GLI3: variants seen among roughly 807,000 people sequenced by gnomAD.
GLI3 encodes transcription activator GLI3.
A neutral mutation model predicts 100.8 loss-of-function variants in GLI3; 20 were observed. The ratio of observed to expected loss-of-function variants is 0.20; its 90% confidence interval spans 0.14 to 0.29. The LOEUF is 0.29. Ranked by LOEUF, GLI3 falls within the 10% of genes least tolerant of loss-of-function variation. The pLI is 1.00. For missense variants in GLI3, 2,040 were observed against 2,128.5 expected (o/e 0.96, Z 0.82); for synonymous variants, 938 against 860.5 (o/e 1.09, Z -1.58).
At chr7:42,024,555 C>T (rs1193116323) in intron 9 of GLI3, among the ~76,000 whole-genome samples, 1 of 152,178 alleles carries the variant, frequency 6.6e-6, no homozygotes, top group Non-Finnish European at 1.5e-5. Flanking sequence ...CATCTGGACT[C>T]TTGTCCAATC....
chr7:42,220,777 C>T (rs1322547483), intron 2 of GLI3, among the ~76,000 whole-genome samples: 1 of 152,226 alleles, frequency 6.6e-6, no homozygotes, highest in Non-Finnish European at 1.5e-5. Flanking sequence ...ATCTGCCTGT[C>T]GGCTTGCAAT....
intron 3 of GLI3, among the ~76,000 whole-genome samples, chr7:42,136,869 C>G (rs893499293): frequency 6.6e-6 from 1 of 152,214 alleles, no homozygotes; most frequent in Non-Finnish European, 1.5e-5. Context: ...CAAGCACTCC[C>G]CAGCTGGGCT....
intron 2 of GLI3, among the ~76,000 whole-genome samples, chr7:42,164,445 A>C (rs1787197165): frequency 1.3e-5 from 2 of 152,162 alleles, no homozygotes; most frequent in African/African-American, 4.8e-5. Flanking sequence ...CTTGAGCCTA[A>C]GAGGCAGAGG....
At chr7:42,160,005 A>T (rs775969058) in intron 2 of GLI3, among the ~76,000 whole-genome samples, 44 of 152,220 alleles carry the variant, frequency 2.9e-4, no homozygotes, top group Admixed American at 9.8e-4. Flanking sequence ...TAGCTCCCAG[A>T]CTTGCTCCTA....
chr7:41,993,758 C>T (rs548708980), intron 10 of GLI3, among the ~76,000 whole-genome samples: 156 of 152,312 alleles, frequency 1.0e-3, no homozygotes, highest in Non-Finnish European at 1.9e-3. Context: ...ATACTCCCAA[C>T]CGGCTGCCTG....
exon 1 of GLI3, among the ~76,000 whole-genome samples, chr7:42,264,004 C>G (rs1218787059): frequency 6.6e-6 from 1 of 152,200 alleles, no homozygotes; most frequent in African/African-American, 2.4e-5. Flanking sequence ...TCTGGCAGCT[C>G]AGCAATGTGA....
intron 2 of GLI3, among the ~76,000 whole-genome samples, chr7:42,181,274 G>A (rs966846058): frequency 1.3e-5 from 2 of 152,166 alleles, no homozygotes; most frequent in African/African-American, 2.4e-5. Context: ...ATCACAGACA[G>A]CAATGGGTAA....
chr7:42,092,695 A>C (rs948501552), intron 3 of GLI3, among the ~76,000 whole-genome samples: 5 of 152,232 alleles, frequency 3.3e-5, no homozygotes, highest in Non-Finnish European at 7.3e-5. Flanking sequence ...GGAACGCACC[A>C]GAGTCAGCTC....
intron 2 of GLI3, among the ~76,000 whole-genome samples, chr7:42,181,878 C>T (rs540288958): frequency 2.6e-5 from 4 of 152,218 alleles, no homozygotes; most frequent in South Asian, 2.1e-4. Flanking sequence ...ATCCATGTAC[C>T]GAACTTTCCA....
In GLI3 at chr7:42,083,084, A is replaced by G. The variant is rs370615950; in HGVS notation, c.368-6227T>C. On this transcript the variant is annotated intron_variant, in intron 3 of 14. Coordinates refer to ENST00000395925, the MANE Select transcript of GLI3 (RefSeq NM_000168.6). ...TCTCTTCATTATTTTAAAATGTACAATTACATTGCTTTTGACTATAGTCAC... is the reference window on the plus strand; with the variant it reads ...TCTCTTCATTATTTTAAAATGTACAGTTACATTGCTTTTGACTATAGTCAC... 1.8e-4 allele frequency among the ~76,000 whole-genome samples: 28 copies of G among 152,330 alleles called. No homozygotes were observed. The South Asian group carries it at 3.7e-3, about 20-fold the overall frequency.
At chr7:42,225,337 TTTTG>T (rs149589715) in intron 1 of GLI3, among the ~76,000 whole-genome samples, 8,586 of 152,066 alleles carry the variant, frequency 0.056, 775 homozygotes, top group African/African-American at 0.2. Context: ...AAGCTTGTTT[TTTTG>T]TTTGTTTGTT....
chr7:42,250,766 G>A (rs79744695), intron 1 of GLI3, among the ~76,000 whole-genome samples: 13 of 152,138 alleles, frequency 8.5e-5, no homozygotes, highest in Non-Finnish European at 1.9e-4. Context: ...AAAGGCGGGT[G>A]GGGGGGCTGC....
chr7:42,161,679 G>A (rs1009831745), intron 2 of GLI3, among the ~76,000 whole-genome samples: 1 of 152,160 alleles, frequency 6.6e-6, no homozygotes, highest in Non-Finnish European at 1.5e-5. Flanking sequence ...GTAAGTCAGG[G>A]ATCAAATCAG....
At chr7:42,173,413 G>A (rs1276199966) in intron 2 of GLI3, among the ~76,000 whole-genome samples, 3 of 152,108 alleles carry the variant, frequency 2.0e-5, no homozygotes, top group Non-Finnish European at 4.4e-5. Flanking sequence ...AAAACTAGCA[G>A]CATGAATGGA....
At chr7:42,109,685 G>A (rs983143227) in intron 3 of GLI3, among the ~76,000 whole-genome samples, 3 of 152,162 alleles carry the variant, frequency 2.0e-5, no homozygotes, top group South Asian at 2.1e-4. Flanking sequence ...CCTCTGGGAC[G>A]AGAGGTTTCA....
chr7:41,973,403 T>C (rs1177025463), intron 12 of GLI3, among the ~76,000 whole-genome samples: 1 of 152,252 alleles, frequency 6.6e-6, no homozygotes, highest in Non-Finnish European at 1.5e-5. Context: ...CTATAAATTA[T>C]TTCATGCTAA....
chr7:42,013,049 T>A (rs1234913647), intron 10 of GLI3, among the ~76,000 whole-genome samples: 1 of 152,180 alleles, frequency 6.6e-6, no homozygotes, highest in African/African-American at 2.4e-5. Context: ...CCGGTTATGT[T>A]AGAGACATGG....
chr7:42,204,984 A>C (rs921017769), intron 2 of GLI3, among the ~76,000 whole-genome samples: 1 of 152,198 alleles, frequency 6.6e-6, no homozygotes, highest in Non-Finnish European at 1.5e-5. Flanking sequence ...TTTGGAGAAT[A>C]AACAAGAGCC....
chr7:42,075,359 T>C (rs773233537), intron 4 of GLI3, among the ~76,000 whole-genome samples: 5 of 152,120 alleles, frequency 3.3e-5, no homozygotes, highest in Non-Finnish European at 5.9e-5. Context: ...GTCTCCGAGG[T>C]CTATCTGGCC....
Sources: allele counts gnomAD v4.1 joint callset (sites outside exome capture counted in the v4.1 genomes callset), GRCh38; gene constraint gnomAD v4.1.1; transcripts MANE v1.5; gene names NCBI Gene and HGNC (gene_info 2026-07-23, HGNC 2026-07-21).